SLC25A48: variants seen among roughly 807,000 people sequenced by gnomAD.
SLC25A48 encodes the protein CTC-321K16.1.
A neutral mutation model predicts 32.2 loss-of-function variants in SLC25A48; 29 were observed. The ratio of observed to expected loss-of-function variants is 0.90; its 90% confidence interval spans 0.67 to 1.23. The LOEUF is 1.23. SLC25A48 is among the 50% of genes most tolerant of loss of function. The probability of loss-of-function intolerance (pLI) is 0.00; values close to 1 mark genes in which losing one functional copy is unlikely to be tolerated. For synonymous variants in SLC25A48, 164 were observed against 172.3 expected, an observed-to-expected ratio of 0.95 and a Z score of 0.38; for missense variants, 399 against 422.7, an observed-to-expected ratio of 0.94 and a Z score of 0.49.
intron 3 of SLC25A48, among the ~76,000 whole-genome samples, chr5:135,668,540 C>T (rs1417036900): frequency 1.3e-5 from 2 of 152,184 alleles, no homozygotes; most frequent in African/African-American, 4.8e-5. Flanking sequence ...GGACATTTAT[C>T]GAACACCTAC....
At chr5:135,849,434 G>T (rs577440490) in intron 2 of SLC25A48, among the ~76,000 whole-genome samples, 42 of 152,184 alleles carry the variant, frequency 2.8e-4, no homozygotes, top group Non-Finnish European at 5.3e-4. Context: ...TAGGGCAGGG[G>T]TACTCTTCGG....
chr5:135,760,324 A>G (rs1756031755), intron 3 of SLC25A48, among the ~76,000 whole-genome samples: 1 of 152,150 alleles, frequency 6.6e-6, no homozygotes. Context: ...TCAGTTGCCA[A>G]CAGATCCCAC....
chr5:135,722,363 C>T (rs1754977605), intron 3 of SLC25A48, among the ~76,000 whole-genome samples: 1 of 152,194 alleles, frequency 6.6e-6, no homozygotes, highest in Non-Finnish European at 1.5e-5. Context: ...GCACTTTGGG[C>T]AAACTTCTAG....
At chr5:135,721,392 G>C (rs1004854993) in intron 3 of SLC25A48, among the ~76,000 whole-genome samples, 2 of 150,042 alleles carry the variant, frequency 1.3e-5, no homozygotes, top group Non-Finnish European at 2.9e-5. Context: ...TAGTAGAGAT[G>C]GGGTTTTCCC....
chr5:135,832,042 G>A (rs558761165), upstream of SLC25A48, among the ~76,000 whole-genome samples: 34 of 152,300 alleles, frequency 2.2e-4, no homozygotes, highest in African/African-American at 7.0e-4. Flanking sequence ...TCTGTTTTGG[G>A]TGGCCACTGG....
At chr5:135,841,726 G>A (rs908982048) in intron 1 of SLC25A48, among the ~76,000 whole-genome samples, 1 of 152,008 alleles carries the variant, frequency 6.6e-6, no homozygotes, top group Non-Finnish European at 1.5e-5. Flanking sequence ...GTATAAAACA[G>A]GTGGAAGATA....
intron 3 of SLC25A48, among the ~76,000 whole-genome samples, chr5:135,685,909 A>G (rs1379597900): frequency 1.3e-5 from 2 of 152,096 alleles, no homozygotes; most frequent in African/African-American, 4.8e-5. Flanking sequence ...GGGATTTTTG[A>G]CCTGGAGTTC....
intron 3 of SLC25A48, among the ~76,000 whole-genome samples, chr5:135,789,199 C>CCCCCCCCGCGATATTAG (rs1561493813): frequency 0.05 from 1,708 of 34,372 alleles, 36 homozygotes; most frequent in African/African-American, 0.069. Context: ...GGTGTACACC[C>CCCCCCCCGCGATATTAG]TCCCCCGCCA....
At chr5:135,745,828 C>G (rs921145627) in intron 3 of SLC25A48, among the ~76,000 whole-genome samples, 1 of 152,242 alleles carries the variant, frequency 6.6e-6, no homozygotes, top group South Asian at 2.1e-4. Flanking sequence ...AAGAATCACT[C>G]CTCAAAAGGA....
chr5:135,867,178 G>T (rs1247980777), intron 4 of SLC25A48, among the ~76,000 whole-genome samples: 1 of 152,122 alleles, frequency 6.6e-6, no homozygotes, highest in African/African-American at 2.4e-5. Flanking sequence ...GCTTGAGAAG[G>T]ATATATATCT....
At chr5:135,839,308 A>T (rs747794777) in intron 1 of SLC25A48, among the ~76,000 whole-genome samples, 24 of 152,292 alleles carry the variant, frequency 1.6e-4, no homozygotes, top group African/African-American at 5.3e-4. Flanking sequence ...CATTAGTGTG[A>T]CCTGGATATG....
Position 135,871,708 on chromosome 5 carries a change from C to A in SLC25A48, c.669C>A (p.Gly223=), listed in dbSNP as rs769095937. The A allele has an allele frequency of 5.0e-6, 8 of 1,613,328 alleles. No individual in the cohort carries two copies. The highest frequency in any genetic ancestry group is 2.7e-5 in the African/African-American group (2 of 74,908). The change falls in exon 5 of 8, where the codon GGC becomes GGA. Residue 223 remains glycine, a synonymous_variant. Coordinates refer to ENST00000681962, the MANE Select transcript of SLC25A48 (RefSeq NM_001349336.2). ...GPSPCAVWLA[G]GMAGAISWGT... is the part of the protein sequence containing the mutation. ...GCCCCTGTGCCGTGTGGCTGGCGGG[C>A]GGCATGGCAGGTAAGGGCAGCAGCA...
rs983330715 is a variant in SLC25A48, at chr5:135,880,028, T to A, written c.874T>A (p.Phe292Ile). ...GGGCTTCCCCATGAGTGCGGCCATGTTCCTTGGGTACGAGCTGTCGCTGCA... is the reference window on the plus strand; with the variant it reads ...GGGCTTCCCCATGAGTGCGGCCATGATCCTTGGGTACGAGCTGTCGCTGCA... ...VRGFPMSAAM[F>I]LGYELSLQAI... Residue 292 changes from phenylalanine to isoleucine, a missense_variant, in exon 7 of 8, where the codon TTC (phenylalanine) becomes ATC (isoleucine). Physicochemically the swap from Phe to Ile is conservative, Grantham distance 21 (BLOSUM62 0). Transcript: ENST00000681962. The A allele has an allele frequency of 5.2e-6, 8 of 1,536,308 alleles. No individual in the cohort carries two copies. The highest frequency in any genetic ancestry group is 7.0e-6 in the Non-Finnish European group (8 of 1,146,940).
intron 3 of SLC25A48, among the ~76,000 whole-genome samples, chr5:135,770,504 C>T (rs13160606): frequency 0.31 from 46,589 of 151,222 alleles, 7,371 homozygotes; most frequent in East Asian, 0.46. Flanking sequence ...GCCGAGGTTG[C>T]ACAAACCACC....
At chr5:135,733,042 C>T (rs942149941) in intron 3 of SLC25A48, among the ~76,000 whole-genome samples, 1 of 152,034 alleles carries the variant, frequency 6.6e-6, no homozygotes, top group African/African-American at 2.4e-5. Context: ...TTCTTTCTGC[C>T]CATATAACAG....
At chr5:135,816,723 A>G (rs1049792104) in intron 4 of SLC25A48, among the ~76,000 whole-genome samples, 4 of 152,210 alleles carry the variant, frequency 2.6e-5, no homozygotes, top group African/African-American at 7.2e-5. Flanking sequence ...TCCCACTATA[A>G]ACAACAAGAA....
chr5:135,805,118 A>C (rs1357488858), intron 3 of SLC25A48, among the ~76,000 whole-genome samples: 1 of 150,888 alleles, frequency 6.6e-6, no homozygotes, highest in East Asian at 1.9e-4. Context: ...GGGAGATATT[A>C]CTCCTAATAT....
At chr5:135,787,059 G>T (rs1442077337) in intron 3 of SLC25A48, among the ~76,000 whole-genome samples, 1 of 152,058 alleles carries the variant, frequency 6.6e-6, no homozygotes, top group African/African-American at 2.4e-5. Flanking sequence ...TGTAACCCAT[G>T]TGTGTTCACC....
At chr5:135,799,914 G>C (rs993078975) in intron 3 of SLC25A48, among the ~76,000 whole-genome samples, 1 of 151,716 alleles carries the variant, frequency 6.6e-6, no homozygotes, top group African/African-American at 2.4e-5. Context: ...ATCTCAGGGA[G>C]TTTACACTGC....
Sources: gnomAD v4.1 joint callset for allele counts (sites outside exome capture counted in the v4.1 genomes callset) on GRCh38, gnomAD v4.1.1 for gene constraint, MANE v1.5 for transcripts, NCBI Gene and HGNC (gene_info 2026-07-23, HGNC 2026-07-21) for gene names.